P2RY8: variants seen among roughly 807,000 people sequenced by gnomAD.
P2RY8 encodes S-geranylgeranyl-glutathione receptor P2RY8.
P2RY8 carries 6 observed loss-of-function variants against 10.0 expected under a neutral mutation model. That is an observed-to-expected ratio of 0.60 (90% CI 0.33 to 1.19). The LOEUF (loss-of-function observed/expected upper bound fraction) is 1.19, where lower values mean the gene tolerates loss of function less well. Ranked by LOEUF, P2RY8 falls within the 50% of genes most tolerant of loss-of-function variation. The pLI is 0.04. For synonymous variants in P2RY8, 276 were observed against 252.5 expected, an observed-to-expected ratio of 1.09 and a Z score of -0.88; for missense variants, 456 against 542.0, an observed-to-expected ratio of 0.84 and a Z score of 1.58.
chrX:1,496,701 T>G (rs1374087071), intron 1 of P2RY8, among the ~76,000 whole-genome samples: 7 of 150,770 alleles, frequency 4.6e-5, no homozygotes, highest in Admixed American at 2.0e-4. Flanking sequence ...TTTTCTTTCT[T>G]TCTTTCTTTT....
chrX:1,473,700 A>T (rs867987476), intron 1 of P2RY8, among the ~76,000 whole-genome samples: 1 of 134,536 alleles, frequency 7.4e-6, no homozygotes, highest in Non-Finnish European at 1.6e-5. Flanking sequence ...AGGTGGATGT[A>T]TGGGTGGATA....
At chrX:1,492,971 T>C (rs2092068269) in intron 1 of P2RY8, among the ~76,000 whole-genome samples, 1 of 151,828 alleles carries the variant, frequency 6.6e-6, no homozygotes, top group Admixed American at 6.6e-5. Flanking sequence ...CCGTTACTGG[T>C]AAAACAGGGA....
At chrX:1,509,668 TCATC>T (rs749271833) in intron 1 of P2RY8, among the ~76,000 whole-genome samples, 1,480 of 122,608 alleles carry the variant, frequency 0.012, 112 homozygotes, top group African/African-American at 0.044. Context: ...CTGTATGTGT[TCATC>T]CATCCATCCA....
chrX:1,531,072 A>G (rs866816319), intron 1 of P2RY8, among the ~76,000 whole-genome samples: 3 of 144,072 alleles, frequency 2.1e-5, no homozygotes, highest in African/African-American at 8.3e-5. Flanking sequence ...CTGTCTGTCT[A>G]TCTATCTATC....
intron 1 of P2RY8, among the ~76,000 whole-genome samples, chrX:1,489,418 C>T (rs1463668026): frequency 6.2e-5 from 9 of 146,046 alleles, no homozygotes; most frequent in South Asian, 2.2e-4. Flanking sequence ...GATTCACTTC[C>T]GTAAATGTAG....
At chrX:1,485,263 G>A (rs2091976373) in intron 1 of P2RY8, among the ~76,000 whole-genome samples, 3 of 151,926 alleles carry the variant, frequency 2.0e-5, no homozygotes, top group Non-Finnish European at 2.9e-5. Context: ...TCAGCCTCCC[G>A]AGTAGCTGGA....
intron 1 of P2RY8, among the ~76,000 whole-genome samples, chrX:1,476,272 T>A (rs1267680866): frequency 6.6e-6 from 1 of 152,150 alleles, no homozygotes; most frequent in South Asian, 2.1e-4. Context: ...GTCCTTGATA[T>A]CGATTTAGAA....
intron 1 of P2RY8, among the ~76,000 whole-genome samples, chrX:1,487,551 T>A (rs2091997802): frequency 6.6e-6 from 1 of 152,016 alleles, no homozygotes. Flanking sequence ...CTTGCAATAA[T>A]CTCCAAATAC....
rs764642306 is a variant in P2RY8 at position 1,487,868 on chromosome X, T to C, written c.-24-21286A>G. On this transcript the variant is annotated intron_variant, in intron 1 of 1. Transcript: ENST00000381297. Reference sequence around the variant, plus strand: ...GCTCACGCCTGTCATCCCAGCACTTTGGGAGGCCGAGGCGGGTGGATCACG... The same window carrying C: ...GCTCACGCCTGTCATCCCAGCACTTCGGGAGGCCGAGGCGGGTGGATCACG... 3.9e-5 allele frequency among the ~76,000 whole-genome samples: 6 copies of C among 152,192 alleles called. No individual in the cohort carries two copies. In the East Asian group the frequency reaches 7.7e-4, roughly 20 times the overall value.
At chrX:1,479,307 T>C (rs767644252) in intron 1 of P2RY8, among the ~76,000 whole-genome samples, 1 of 152,380 alleles carries the variant, frequency 6.6e-6, no homozygotes, top group South Asian at 2.1e-4. Context: ...GTGGTGTCTC[T>C]AACCATATGC....
At position 1,466,161 on chromosome X, in the gene P2RY8, C is replaced by T; in HGVS notation, c.398G>A (p.Arg133His). 1 of 1,611,988 alleles carries T rather than the reference C, an allele frequency of 6.2e-7. No individual in the cohort carries two copies. The highest frequency in any genetic ancestry group is 8.5e-7 in the Non-Finnish European group (1 of 1,179,224). Residue 133 changes from arginine to histidine, a missense_variant, in exon 2 of 2, where the codon CGC becomes CAC. By Grantham distance (29) the Arg-to-His change is conservative. Coordinates refer to ENST00000381297, the MANE Select transcript of P2RY8 (RefSeq NM_178129.5). ...CACCGCGTAACGACGGCGGCGCCAG[C>T]GCTTGGAGCTGAGCGGGTACAGGAC... ...LGVLYPLSSKRWRRRRYAVAA... is the reference protein window; with the variant it reads ...LGVLYPLSSKHWRRRRYAVAA...
chrX:1,498,189 G>A (rs1425568286), intron 1 of P2RY8, among the ~76,000 whole-genome samples: 4 of 151,766 alleles, frequency 2.6e-5, no homozygotes, highest in Non-Finnish European at 5.9e-5. Context: ...GGCAGATCGC[G>A]AGGTCAGGAG....
chrX:1,501,353 C>T (rs1267964756), intron 1 of P2RY8, among the ~76,000 whole-genome samples: 4 of 152,032 alleles, frequency 2.6e-5, no homozygotes, highest in Non-Finnish European at 5.9e-5. Flanking sequence ...TTTTCACTTT[C>T]GTTTTTCTGT....
intron 1 of P2RY8, among the ~76,000 whole-genome samples, chrX:1,500,133 C>CA (rs2092162761): frequency 6.6e-6 from 1 of 151,634 alleles, no homozygotes. Flanking sequence ...GCTGGGATGA[C>CA]AGGCGTGAGC....
chrX:1,528,438 C>T (rs186344919), intron 1 of P2RY8, among the ~76,000 whole-genome samples: 56 of 152,362 alleles, frequency 3.7e-4, no homozygotes, highest in African/African-American at 6.5e-4. Context: ...CTCTGAGCAG[C>T]AGGCGCTGCC....
intron 1 of P2RY8, chrX:1,493,993 G>C (rs1269295509): frequency 6.6e-6 from 1 of 152,280 alleles, no homozygotes; most frequent in African/African-American, 2.4e-5. Flanking sequence ...GCTTTCTCTG[G>C]CATTCAGCAG....
intron 1 of P2RY8, among the ~76,000 whole-genome samples, chrX:1,534,297 G>T (rs1277472069): frequency 6.8e-6 from 1 of 146,910 alleles, no homozygotes; most frequent in Admixed American, 7.0e-5. Context: ...CACACACACA[G>T]ATAGGTGTAT....
intron 1 of P2RY8, among the ~76,000 whole-genome samples, chrX:1,486,240 C>T (rs1336016293): frequency 1.3e-5 from 2 of 151,994 alleles, no homozygotes; most frequent in Non-Finnish European, 2.9e-5. Flanking sequence ...AAAATGGTTG[C>T]ACCCATAAAA....
At chrX:1,524,501 G>GCATC (rs769194804) in intron 1 of P2RY8, among the ~76,000 whole-genome samples, 1,799 of 39,920 alleles carry the variant, frequency 0.045, 274 homozygotes, top group Non-Finnish European at 0.062. Flanking sequence ...ATACATCCAC[G>GCATC]CATCCATCCA....
Sources: allele counts gnomAD v4.1 joint callset (sites outside exome capture counted in the v4.1 genomes callset), GRCh38; gene constraint gnomAD v4.1.1; transcripts MANE v1.5; gene names NCBI Gene and HGNC (gene_info 2026-07-23, HGNC 2026-07-21).